Variants in SGK2 observed in about 807,000 individuals in gnomAD.
The protein encoded by SGK2 is serine/threonine-protein kinase Sgk2.
A neutral mutation model predicts 47.5 loss-of-function variants in SGK2; 36 were observed. That is an observed-to-expected ratio of 0.76 (90% confidence interval 0.58 to 1.00). The LOEUF (loss-of-function observed/expected upper bound fraction) is 1.00. Ranked by LOEUF, SGK2 falls within the 50% of genes least tolerant of loss-of-function variation. SGK2 has a pLI of 0.00. For missense variants in SGK2, 404 were observed against 467.4 expected (o/e 0.86, Z 1.25); for synonymous variants, 157 against 181.9 (o/e 0.86, Z 1.10).
chr20:43,559,514 T>A (rs539325391), intron 1 of SGK2, among the ~76,000 whole-genome samples: 1 of 152,210 alleles, frequency 6.6e-6, no homozygotes, highest in South Asian at 2.1e-4. Flanking sequence ...TTATTAACTG[T>A]CTTGATCATG....
chr20:43,576,171 C>A, intron 10 of SGK2, 53 bp from the exon 11 acceptor site: 1 of 1,597,928 alleles, frequency 6.3e-7, no homozygotes. Flanking sequence ...TCTCCCCGAG[C>A]CTGTGTTCAC....
chr20:43,570,894 G>C, intron 7 of SGK2, 130 bp from the exon 8 acceptor site: 1 of 1,461,452 alleles, frequency 6.8e-7, no homozygotes, highest in East Asian at 2.3e-5. Flanking sequence ...GCCTTTCTGG[G>C]CTCTCCTTCT....
chr20:43,566,982 T>A, intron 2 of SGK2, 86 bp from the exon 3 acceptor site: 1 of 1,108,038 alleles, frequency 9.0e-7, no homozygotes, highest in Non-Finnish European at 1.4e-6. Context: ...GTAGAGTTGT[T>A]GGAGAAGGGA....
At chr20:43,561,371 T>C (rs532846838) in intron 1 of SGK2, among the ~76,000 whole-genome samples, 114 of 148,508 alleles carry the variant, frequency 7.7e-4, no homozygotes, top group African/African-American at 2.6e-3. Context: ...TCATAAACCA[T>C]GGTAGAGGCT....
At chr20:43,575,407 T>G (rs1440956777) in intron 10 of SGK2, among the ~76,000 whole-genome samples, 1 of 137,866 alleles carries the variant, frequency 7.3e-6, no homozygotes, top group Admixed American at 8.3e-5. Context: ...GGGGCTGCAG[T>G]GAACCGCGGT....
At chr20:43,559,366 T>A (rs1195133593) in intron 1 of SGK2, among the ~76,000 whole-genome samples, 2 of 152,162 alleles carry the variant, frequency 1.3e-5, no homozygotes, top group Non-Finnish European at 2.9e-5. Context: ...TTCTTCCTCC[T>A]TAACTAACCA....
At chr20:43,566,977 G>A in intron 2 of SGK2, 91 bp from the exon 3 acceptor site, 1 of 1,030,980 alleles carries the variant, frequency 9.7e-7, no homozygotes, top group Non-Finnish European at 1.5e-6. Flanking sequence ...GCCTAGTAGA[G>A]TTGTTGGAGA....
chr20:43,576,947 A>G (rs548082877), intron 11 of SGK2, among the ~76,000 whole-genome samples: 1 of 152,338 alleles, frequency 6.6e-6, no homozygotes, highest in Admixed American at 6.5e-5. Context: ...CACCTCAAAA[A>G]CAAAAACAAA....
chr20:43,564,183 G>C (rs1266065563), intron 1 of SGK2, among the ~76,000 whole-genome samples: 1 of 152,248 alleles, frequency 6.6e-6, no homozygotes, highest in Non-Finnish European at 1.5e-5. Context: ...GTGCTCTCTG[G>C]GACCGTTTCT....
chr20:43,563,894 A>C, intron 1 of SGK2, among the ~76,000 whole-genome samples: 1 of 152,186 alleles, frequency 6.6e-6, no homozygotes, highest in East Asian at 1.9e-4. Context: ...TTCTCTGGTC[A>C]ACACTTCCAG....
At chr20:43,564,482 T>TGCATGCACGCGC (rs1223294937) in intron 1 of SGK2, among the ~76,000 whole-genome samples, 1 of 151,788 alleles carries the variant, frequency 6.6e-6, no homozygotes, top group East Asian at 1.9e-4. Flanking sequence ...CACGCATGCG[T>TGCATGCACGCGC]GCATGCACGC....
At chr20:43,568,916 G>A (rs1267252939) in intron 5 of SGK2, among the ~76,000 whole-genome samples, 10 of 152,198 alleles carry the variant, frequency 6.6e-5, no homozygotes, top group African/African-American at 1.4e-4. Context: ...CAAGGTCTCC[G>A]TGGGGGGTGG....
In SGK2 at chr20:43,572,076, G is replaced by A. The variant is rs1379535899; in HGVS notation, c.536G>A (p.Gly179Asp). The change falls in exon 9 of 13, where the codon GGC becomes GAC. Residue 179 changes from glycine to aspartate, a missense_variant. Physicochemically the swap from Gly to Asp is moderately conservative, Grantham distance 94. Coordinates refer to ENST00000373100, the MANE Select transcript of SGK2 (RefSeq NM_170693.3). This position sits in a 1 kb window ranked among gnomAD's most constrained non-coding sequence, Gnocchi z 4.2. ...CQGHVVLTDF[G>D]LCKEGVEPED... ...GGACACGTGGTGCTGACGGATTTTG[G>A]CCTCTGCAAGGAAGGTGTAGAGCCT... 2 of 1,549,750 alleles carry A rather than the reference G, an allele frequency of 1.3e-6. No individual in the cohort carries two copies. The highest frequency in any genetic ancestry group is 2.4e-5 in the East Asian group (1 of 40,960).
intron 7 of SGK2, 139 bp downstream of exon 7, chr20:43,570,868 G>T (rs998310309): frequency 1.7e-5 from 23 of 1,315,460 alleles, no homozygotes; most frequent in Non-Finnish European, 2.3e-5. Context: ...CTCCTCCTCC[G>T]AGGTCCAAGT....
chr20:43,579,149 C>T (rs1357578415), intron 11 of SGK2, among the ~76,000 whole-genome samples: 1 of 151,912 alleles, frequency 6.6e-6, no homozygotes, highest in Non-Finnish European at 1.5e-5. Context: ...TCCCAAGTAG[C>T]TAGGATTACA....
chr20:43,573,501 A>AC (rs1980277739), intron 9 of SGK2, among the ~76,000 whole-genome samples: 1 of 151,644 alleles, frequency 6.6e-6, no homozygotes, highest in Admixed American at 6.6e-5. Flanking sequence ...AAAAAAAAAA[A>AC]AAAAAAAACT....
intron 11 of SGK2, 48 bp from the exon 12 acceptor site, chr20:43,579,924 T>G: frequency 1.6e-6 from 2 of 1,255,898 alleles, no homozygotes; most frequent in Non-Finnish European, 2.3e-6. Flanking sequence ...AGAGCACCCA[T>G]GGGGAGGGCT....
chr20:43,568,042 A>G, intron 5 of SGK2, 43 bp downstream of exon 5: 1 of 1,550,380 alleles, frequency 6.5e-7, no homozygotes, highest in East Asian at 2.2e-5. Context: ...CTGCTTCTCA[A>G]GCCGCAGCCT....
chr20:43,579,786 G>A (rs1453405048), intron 11 of SGK2, among the ~76,000 whole-genome samples, 186 bp from the exon 12 acceptor site: 4 of 152,182 alleles, frequency 2.6e-5, no homozygotes, highest in Non-Finnish European at 5.9e-5. Context: ...GAAGGGTTTG[G>A]ATTCTGGATG....
Sources: gnomAD v4.1 joint callset for allele counts (sites outside exome capture counted in the v4.1 genomes callset) on GRCh38, gnomAD v4.1.1 for gene constraint, Gnocchi (gnomAD v3.1) non-coding constraint, MANE v1.5 for transcripts, NCBI Gene and HGNC (gene_info 2026-07-23, HGNC 2026-07-21) for gene names.